Variants in CSTPP1 observed in about 807,000 individuals in gnomAD.
The protein encoded by CSTPP1 is UPF0705 protein C11orf49.
chr11:47,056,499 T>C, the CSTPP1 span, among the ~76,000 whole-genome samples: 1 of 152,196 alleles, frequency 6.6e-6, no homozygotes, highest in African/African-American at 2.4e-5. Context: ...CAGTGACTCA[T>C]CCAGCTGCTA....
the CSTPP1 span, among the ~76,000 whole-genome samples, chr11:47,012,743 G>A: frequency 6.6e-6 from 1 of 152,050 alleles, no homozygotes; most frequent in East Asian, 1.9e-4. Flanking sequence ...TCTCTGAGGT[G>A]CCTTCTATAT....
the CSTPP1 span, among the ~76,000 whole-genome samples, chr11:47,047,615 C>A: frequency 6.6e-6 from 1 of 152,152 alleles, no homozygotes; most frequent in African/African-American, 2.4e-5. Flanking sequence ...GCAATTATTT[C>A]ATGGATATAA....
chr11:47,147,149 A>G, the CSTPP1 span, among the ~76,000 whole-genome samples: 1 of 152,232 alleles, frequency 6.6e-6, no homozygotes, highest in East Asian at 1.9e-4. Flanking sequence ...CAAAGATAGT[A>G]AGACGTTATG....
chr11:47,077,490 A>G, the CSTPP1 span, among the ~76,000 whole-genome samples: 1 of 152,126 alleles, frequency 6.6e-6, no homozygotes, highest in East Asian at 1.9e-4. Context: ...GTGAGCCACT[A>G]CACCCAGCCG....
the CSTPP1 span, among the ~76,000 whole-genome samples, chr11:47,035,773 A>C: frequency 1.3e-5 from 2 of 152,126 alleles, no homozygotes; most frequent in East Asian, 3.9e-4. Flanking sequence ...TACTTTTAAA[A>C]ATTTTTCCAA....
the CSTPP1 span, chr11:47,023,309 A>G: frequency 1.3e-5 from 2 of 153,804 alleles, no homozygotes; most frequent in African/African-American, 4.8e-5. Context: ...GAAAATATTT[A>G]AGATATTTTG....
the CSTPP1 span, among the ~76,000 whole-genome samples, chr11:47,085,865 G>A: frequency 6.9e-6 from 1 of 144,908 alleles, no homozygotes; most frequent in Non-Finnish European, 1.5e-5. Context: ...GGTGACGAGT[G>A]AAACTCTGTC....
the CSTPP1 span, among the ~76,000 whole-genome samples, chr11:47,070,829 T>C: frequency 6.6e-6 from 1 of 152,286 alleles, no homozygotes; most frequent in South Asian, 2.1e-4. Flanking sequence ...TAATGAAATA[T>C]GAATTTATGA....
At chr11:47,038,264 C>G in the CSTPP1 span, among the ~76,000 whole-genome samples, 1 of 113,214 alleles carries the variant, frequency 8.8e-6, no homozygotes, top group African/African-American at 2.7e-5. Context: ...GATGGGGCGG[C>G]TGGCCGGGCG....
At chr11:47,038,838 A>G in the CSTPP1 span, among the ~76,000 whole-genome samples, 5 of 114,196 alleles carry the variant, frequency 4.4e-5, no homozygotes, top group African/African-American at 1.4e-4. Flanking sequence ...GGCGGTTGCC[A>G]GGCAGAGGGT....
chr11:47,143,598 A>G, the CSTPP1 span, among the ~76,000 whole-genome samples: 2 of 152,220 alleles, frequency 1.3e-5, no homozygotes, highest in African/African-American at 4.8e-5. Flanking sequence ...AACAGACTCC[A>G]TGACAGCAGC....
chr11:47,024,685 T>C, the CSTPP1 span, among the ~76,000 whole-genome samples: 7 of 152,150 alleles, frequency 4.6e-5, no homozygotes, highest in Non-Finnish European at 7.4e-5. Flanking sequence ...AAACAGGTAG[T>C]CAAGGAACAG....
chr11:47,062,552 G>C, the CSTPP1 span, among the ~76,000 whole-genome samples: 1 of 152,146 alleles, frequency 6.6e-6, no homozygotes, highest in Admixed American at 6.6e-5. Flanking sequence ...CCTAATCAAA[G>C]CTATACTATA....
the CSTPP1 span, among the ~76,000 whole-genome samples, chr11:46,974,827 T>G: frequency 6.7e-6 from 1 of 148,152 alleles, no homozygotes. Flanking sequence ...TGCATTCCAG[T>G]CTGGGTGACA....
At chr11:47,081,652 G>A in the CSTPP1 span, among the ~76,000 whole-genome samples, 1 of 152,184 alleles carries the variant, frequency 6.6e-6, no homozygotes, top group Non-Finnish European at 1.5e-5. Flanking sequence ...CAGAAGCTTA[G>A]AAATTGACTC....
At chr11:47,014,210 G>A in the CSTPP1 span, among the ~76,000 whole-genome samples, 114,390 of 149,704 alleles carry the variant, frequency 0.76, 44,173 homozygotes, top group African/African-American at 0.84. Context: ...GAGAGAAAGA[G>A]AAAAAGAAAG....
the CSTPP1 span, among the ~76,000 whole-genome samples, chr11:47,051,625 C>T: frequency 1.3e-4 from 20 of 152,080 alleles, no homozygotes; most frequent in Non-Finnish European, 2.5e-4. Flanking sequence ...GTTATGTCCC[C>T]ATAGCCATGT....
the CSTPP1 span, among the ~76,000 whole-genome samples, chr11:47,074,949 A>C: frequency 8.5e-4 from 129 of 152,322 alleles, no homozygotes; most frequent in African/African-American, 2.8e-3. Context: ...AATAAGGAGA[A>C]TATAGTTCTA....
chr11:47,122,205 C>T, the CSTPP1 span, among the ~76,000 whole-genome samples: 1 of 149,220 alleles, frequency 6.7e-6, no homozygotes, highest in South Asian at 2.1e-4. Flanking sequence ...CACTCCTGCC[C>T]TCATTTGAAG....
Sources: gnomAD v4.1 joint callset for allele counts (sites outside exome capture counted in the v4.1 genomes callset) on GRCh38, gnomAD v4.1.1 for gene constraint, MANE v1.5 for transcripts, NCBI Gene and HGNC (gene_info 2026-07-23, HGNC 2026-07-21) for gene names.